STARD10: variants seen among roughly 807,000 people sequenced by gnomAD.
The protein encoded by STARD10 is START domain-containing protein 10.
STARD10 carries 24 observed loss-of-function variants against 36.0 expected under a neutral mutation model. The ratio of observed to expected loss-of-function variants is 0.67; its 90% CI spans 0.48 to 0.94. STARD10 has a LOEUF of 0.94. STARD10 is among the 40% of genes least tolerant of loss of function. The pLI is 0.00. For missense variants in STARD10, 335 were observed against 396.6 expected (o/e 0.84, Z 1.32); for synonymous variants, 156 against 161.9 (o/e 0.96, Z 0.28).
chr11:72,793,223 A>G lies in STARD10; in HGVS notation c.-462T>C, dbSNP rs1411352032. ...GGGCCCTCAGGTTTGCAATTTGCAG[A>G]ATGAGGAAATGGGTTCCTCAATCTA... On this transcript the variant is annotated 5_prime_UTR_variant, in exon 1 of 7. Coordinates refer to ENST00000334805, the MANE Select transcript of STARD10 (RefSeq NM_006645.3). 6.6e-6 allele frequency: 1 copy of G among 152,276 alleles called. No homozygotes were observed. The highest frequency in any genetic ancestry group is 1.5e-5 in the Non-Finnish European group (1 of 68,056). The allele number at this position is 152,276 out of a possible 1,614,324, so 9.4% of individuals were successfully genotyped here.
intron 2 of STARD10, among the ~76,000 whole-genome samples, chr11:72,765,728 C>T (rs532667481): frequency 5.9e-5 from 9 of 151,484 alleles, no homozygotes; most frequent in African/African-American, 2.2e-4. Context: ...CCCAGCACTT[C>T]GGGAGGCCGA....
At chr11:72,787,955 A>C (rs4944796) in intron 1 of STARD10, among the ~76,000 whole-genome samples, 77,995 of 151,882 alleles carry the variant, frequency 0.51, 20,180 homozygotes, top group East Asian at 0.62. Flanking sequence ...ACTGGTGGGG[A>C]CTCTGGGGAG....
At chr11:72,764,743 G>T (rs1358884782) in intron 2 of STARD10, among the ~76,000 whole-genome samples, 2 of 152,224 alleles carry the variant, frequency 1.3e-5, no homozygotes, top group African/African-American at 4.8e-5. Flanking sequence ...AGCACCAGGT[G>T]GGCGGGCCGG....
chr11:72,757,922 G>A (rs1267708833), intron 4 of STARD10, 38 bp from the exon 5 acceptor site: 1 of 1,582,702 alleles, frequency 6.3e-7, no homozygotes, highest in South Asian at 1.1e-5. Flanking sequence ...GACTCGGGGT[G>A]GGGGCAAAGA....
At position 72,781,088 on chromosome 11, in the gene STARD10, T is replaced by A; in HGVS notation, c.94A>T (p.Ser32Cys). 6.2e-7 allele frequency: 1 copy of A among 1,614,026 alleles called. No individual in the cohort carries two copies. Among genetic ancestry groups the A allele is most frequent in the Non-Finnish European group, 8.5e-7 (1 of 1,180,026 alleles). Residue 32 changes from serine (S) to cysteine (C), a missense_variant, in exon 2 of 7, where the codon AGC (serine) becomes TGC (cysteine). Physicochemically the swap from Ser to Cys is moderately radical, Grantham distance 112. Coordinates refer to ENST00000334805, the MANE Select transcript of STARD10 (RefSeq NM_006645.3). The surrounding 1 kb of genome is among the most constrained non-coding windows in gnomAD (Gnocchi z 4.7). ...VQVPDDQDFR[S>C]FRSECEAEVG... Reference sequence around the variant, plus strand: ...TCAGCCTCACACTCTGACCGGAAGCTGCGAAAGTCTTGGTCATCGGGCACC... The same window carrying A: ...TCAGCCTCACACTCTGACCGGAAGCAGCGAAAGTCTTGGTCATCGGGCACC...
chr11:72,778,179 G>A (rs1260574636), intron 2 of STARD10, among the ~76,000 whole-genome samples: 1 of 152,244 alleles, frequency 6.6e-6, no homozygotes. Context: ...CCACAGTGTT[G>A]ACTAAGATGC....
At chr11:72,779,135 G>A (rs977222180) in intron 2 of STARD10, among the ~76,000 whole-genome samples, 10 of 152,222 alleles carry the variant, frequency 6.6e-5, no homozygotes, top group Admixed American at 6.5e-4. Context: ...CTCCTCCTCT[G>A]ACTTTCTGGA....
intron 2 of STARD10, chr11:72,780,428 C>T (rs1349413721): frequency 4.4e-6 from 2 of 452,580 alleles, no homozygotes; most frequent in Non-Finnish European, 8.9e-6. Context: ...CTGCCAGCCA[C>T]AATCCTGAGT....
intron 1 of STARD10, among the ~76,000 whole-genome samples, chr11:72,787,634 G>A (rs569400729): frequency 2.3e-3 from 356 of 152,344 alleles, no homozygotes; most frequent in Non-Finnish European, 1.8e-3. Context: ...GTTCGATTGC[G>A]GGGTCGATGC....
chr11:72,755,927 G>C, intron 5 of STARD10, 174 bp from the exon 6 acceptor site: 5 of 578,098 alleles, frequency 8.6e-6, no homozygotes, highest in Middle Eastern at 9.2e-4. Context: ...ACCTCAGACC[G>C]AAGTCCTCAG....
At chr11:72,770,314 G>A (rs915773935) in intron 2 of STARD10, among the ~76,000 whole-genome samples, 3 of 152,084 alleles carry the variant, frequency 2.0e-5, no homozygotes, top group Admixed American at 2.0e-4. Context: ...TGCCTCCCAG[G>A]CTCAAGGATT....
In STARD10 at chr11:72,793,766, C is replaced by G. The variant is rs1045185817; in HGVS notation, c.-1005G>C. On this transcript the variant is annotated 5_prime_UTR_variant, in exon 1 of 7. Coordinates refer to ENST00000334805, the MANE Select transcript of STARD10 (RefSeq NM_006645.3). ...GCCCCGCGTTTGCGCGTGCGCTTCC[C>G]GCCCGGGACCGCCCAGAGGTCCCGG... is the stretch of plus-strand genomic sequence containing the variant. 1.3e-5 allele frequency: 2 copies of G among 152,234 alleles called. No homozygotes were observed. The allele number at this position is 152,234 out of a possible 1,614,324, so 9.4% of individuals were successfully genotyped here.
chr11:72,756,487 G>C (rs1340237043), intron 5 of STARD10, among the ~76,000 whole-genome samples: 3 of 152,120 alleles, frequency 2.0e-5, no homozygotes, highest in Non-Finnish European at 4.4e-5. Context: ...GGAGCCGACT[G>C]TTCTACTAGA....
At chr11:72,770,782 G>C (rs1240795431) in intron 2 of STARD10, among the ~76,000 whole-genome samples, 1 of 152,154 alleles carries the variant, frequency 6.6e-6, no homozygotes, top group Non-Finnish European at 1.5e-5. Context: ...GACCAGGAGA[G>C]GAGACGGCAC....
intron 2 of STARD10, among the ~76,000 whole-genome samples, chr11:72,775,375 G>A (rs1858917322): frequency 6.6e-6 from 1 of 152,144 alleles, no homozygotes; most frequent in African/African-American, 2.4e-5. Context: ...GCACCCCAGA[G>A]CCTCTAAGAC....
At position 72,754,791 on chromosome 11, in the gene STARD10, G is replaced by A. The variant is rs749053829; in HGVS notation, c.*106C>T. The A allele has an allele frequency of 1.5e-5, 22 of 1,487,120 alleles. No individual in the cohort carries two copies. The highest frequency in any genetic ancestry group is 1.8e-5 in the Non-Finnish European group (20 of 1,107,280). The allele number at this position is 1,487,120 out of a possible 1,614,324, so 92.1% of individuals were successfully genotyped here. Reference sequence around the variant, plus strand: ...CAGGCTGCAGCACCCGCCTGGGCCTGGCCCGGTGCCACCAGGTGCCGGGTG... The same window carrying A: ...CAGGCTGCAGCACCCGCCTGGGCCTAGCCCGGTGCCACCAGGTGCCGGGTG... On this transcript the variant is annotated 3_prime_UTR_variant, in exon 7 of 7. Transcript: ENST00000334805.
In STARD10 at chr11:72,781,151, G is replaced by C. The variant is rs997067060; in HGVS notation, c.31C>G (p.Gln11Glu). The change falls in exon 2 of 7, where the codon CAA (glutamine) becomes GAA (glutamate). Residue 11 changes from glutamine (Q) to glutamate (E), a missense_variant. Physicochemically the swap from Gln to Glu is conservative, Grantham distance 29. Transcript: ENST00000334805. This position sits in a 1 kb window ranked among gnomAD's most constrained non-coding sequence, Gnocchi z 4.7. ...CGGCCCAGGACCGGCCGAGGCCCTT[G>C]GGGCTCTGTAGAGGCCGCCAGCTTC... MEKLAASTEP[Q>E]GPRPVLGRES... 1.2e-6 allele frequency: 2 copies of C among 1,612,448 alleles called. No homozygotes were observed. The highest frequency in any genetic ancestry group is 2.7e-5 in the African/African-American group (2 of 74,938).
In STARD10 at chr11:72,781,823, G is replaced by A. The variant is rs1859003278; in HGVS notation, c.-113-529C>T. 1 of 114,996 alleles carries A rather than the reference G, an allele frequency of 8.7e-6. No homozygotes were observed. The highest frequency in any genetic ancestry group is 4.5e-3 in the Middle Eastern group (1 of 222). 7.1% of individuals were successfully genotyped at this position (114,996 alleles called of 1,614,324 possible). ...GGCCCCAGCCCCGCGCGCCCCTCCC[G>A]GCTAGGCTGGGGGCTCGGGGGCTCG... On this transcript the variant is annotated intron_variant, in intron 1 of 6. Transcript: ENST00000334805. The surrounding 1 kb of genome is among the most constrained non-coding windows in gnomAD (Gnocchi z 4.7).
At chr11:72,763,041 A>AG (rs1263468402) in intron 2 of STARD10, among the ~76,000 whole-genome samples, 2 of 152,174 alleles carry the variant, frequency 1.3e-5, no homozygotes, top group African/African-American at 2.4e-5. Flanking sequence ...ACCAGCTTGA[A>AG]GGGCTCTTCC....
Sources: allele counts gnomAD v4.1 joint callset (sites outside exome capture counted in the v4.1 genomes callset), GRCh38; gene constraint gnomAD v4.1.1; non-coding constraint Gnocchi (gnomAD v3.1); transcripts MANE v1.5; gene names NCBI Gene and HGNC (gene_info 2026-07-23, HGNC 2026-07-21).